The following KDM7A variants were observed in gnomAD, a reference collection of about 807,000 sequenced individuals.
KDM7A encodes lysine demethylase 7A.
Under a neutral mutation model 114.8 loss-of-function variants are expected in KDM7A, and 28 were observed. The ratio of observed to expected loss-of-function variants is 0.24; its 90% CI spans 0.18 to 0.33. KDM7A has a LOEUF of 0.33. Among genes scored for constraint, KDM7A ranks in the 10% least tolerant of loss-of-function variants. KDM7A has a pLI of 1.00. For missense variants in KDM7A, 942 were observed against 1,142.5 expected, an observed-to-expected ratio of 0.82 and a Z score of 2.53; for synonymous variants, 423 against 397.8, an observed-to-expected ratio of 1.06 and a Z score of -0.75.
chr7:140,152,544 ATCCCG>A (rs1562958700), intron 1 of KDM7A, among the ~76,000 whole-genome samples: 1 of 99,278 alleles, frequency 1.0e-5, no homozygotes, highest in Non-Finnish European at 1.9e-5. Flanking sequence ...GAATCACTTG[ATCCCG>A]GGAGGCGGAG....
At chr7:140,098,034 C>A (rs933702387) in intron 14 of KDM7A, among the ~76,000 whole-genome samples, 2 of 152,176 alleles carry the variant, frequency 1.3e-5, no homozygotes, top group Admixed American at 6.5e-5. Flanking sequence ...AAACGTAAAA[C>A]GCATTCACGT....
intron 17 of KDM7A, among the ~76,000 whole-genome samples, 188 bp downstream of exon 17, chr7:140,096,367 T>A (rs1585137095): frequency 1.3e-5 from 2 of 152,198 alleles, no homozygotes; most frequent in Non-Finnish European, 2.9e-5. Context: ...CCAGGTAATT[T>A]ACATTTTGAG....
At position 140,084,986 on chromosome 7, in the gene KDM7A, C is replaced by A. The variant is rs542732076; in HGVS notation, c.*6108G>T. 6.6e-6 allele frequency: 1 copy of A among 152,254 alleles called. No individual in the cohort carries two copies. The highest frequency in any genetic ancestry group is 1.9e-4 in the East Asian group (1 of 5,186). The allele number at this position is 152,254 out of a possible 1,614,324, so 9.4% of individuals were successfully genotyped here. ...TCAATGTAAGCTACTTAAAGACTTA[C>A]AAATTTAAAGTAAAACAGAAACAAA... is the stretch of plus-strand genomic sequence containing the variant. On this transcript the variant is annotated 3_prime_UTR_variant, in exon 20 of 20. Transcript: ENST00000397560.
At chr7:140,120,669 C>A in intron 7 of KDM7A, 140 bp from the exon 8 acceptor site, 3 of 557,474 alleles carry the variant, frequency 5.4e-6, no homozygotes, top group Admixed American at 6.0e-5. Flanking sequence ...ATGTTTATTA[C>A]AATCTATAGA....
Position 140,088,676 on chromosome 7 carries a change from A to G in KDM7A, c.*2418T>C. On this transcript the variant is annotated 3_prime_UTR_variant, in exon 20 of 20. Transcript: ENST00000397560. ...GAAAAAGACACATGGATTCTATTCAAGTGGTTCTATTACCTCGCTGAAAGT... is the reference window on the plus strand; with the variant it reads ...GAAAAAGACACATGGATTCTATTCAGGTGGTTCTATTACCTCGCTGAAAGT... The G allele has an allele frequency of 2.5e-6, 1 of 392,914 alleles. No homozygotes were observed. The highest frequency in any genetic ancestry group is 4.5e-6 in the Non-Finnish European group (1 of 222,638). The allele number at this position is 392,914 out of a possible 1,614,324, so 24.3% of individuals were successfully genotyped here. A position where few individuals can be genotyped will look rare whatever the true frequency, so the allele number is the denominator to read the frequency against.
At position 140,154,066 on chromosome 7, in the gene KDM7A, A is replaced by T. The variant is rs149665064; in HGVS notation, c.195-14876T>A. Among the ~76,000 whole-genome samples the T allele has an allele frequency of 1.3e-3, 199 of 152,318 alleles. 1 individual carries two copies. The highest frequency in any genetic ancestry group is 4.5e-3 in the African/African-American group (185 of 41,570). ...CTTATGCATTCATAGGTAACACACC[A>T]TGGTGACTGAAATTTGAATCCTGGG... On this transcript the variant is annotated intron_variant, in intron 1 of 19. Coordinates refer to ENST00000397560, the MANE Select transcript of KDM7A (RefSeq NM_030647.2).
At chr7:140,105,326 T>C (rs1053162151) in intron 11 of KDM7A, among the ~76,000 whole-genome samples, 4 of 152,222 alleles carry the variant, frequency 2.6e-5, no homozygotes, top group Admixed American at 6.5e-5. Flanking sequence ...CAACACTATG[T>C]TGAATAGGAG....
chr7:140,129,669 A>C lies in KDM7A; in HGVS notation c.399-16T>G. ...TTCATCGGCACTAAGGAAAAACATA[A>C]GAATAAAAATGTCATTTTTATTGGT... is the stretch of plus-strand genomic sequence containing the variant. On this transcript the variant is annotated splice_polypyrimidine_tract_variant and intron_variant, in intron 3 of 19. Coordinates refer to ENST00000397560, the MANE Select transcript of KDM7A (RefSeq NM_030647.2). The C allele has an allele frequency of 1.3e-6, 2 of 1,570,906 alleles. No homozygotes were observed. Among genetic ancestry groups the C allele is most frequent in the East Asian group, 2.2e-5 (1 of 44,636 alleles).
chr7:140,118,103 A>G (rs1468420951), intron 9 of KDM7A, among the ~76,000 whole-genome samples: 1 of 152,246 alleles, frequency 6.6e-6, no homozygotes, highest in Non-Finnish European at 1.5e-5. Flanking sequence ...AAATGTTCAC[A>G]ATAAACTTTA....
chr7:140,106,683 C>T (rs1367715626), intron 11 of KDM7A, among the ~76,000 whole-genome samples: 11 of 152,104 alleles, frequency 7.2e-5, no homozygotes, highest in East Asian at 1.9e-4. Context: ...CTTTTACATT[C>T]GCTGAGGAGT....
At chr7:140,150,312 G>C (rs142067371) in intron 1 of KDM7A, among the ~76,000 whole-genome samples, 163 of 152,288 alleles carry the variant, frequency 1.1e-3, no homozygotes, top group African/African-American at 3.4e-3. Flanking sequence ...TGTTTACTGA[G>C]TCCAGTTCCT....
chr7:140,154,889 G>T (rs929209037), intron 1 of KDM7A, among the ~76,000 whole-genome samples: 1 of 151,942 alleles, frequency 6.6e-6, no homozygotes, highest in Non-Finnish European at 1.5e-5. Context: ...ACAACTTTAT[G>T]ATTTAAATTT....
chr7:140,171,163 G>A (rs1026234195), intron 1 of KDM7A, among the ~76,000 whole-genome samples: 2 of 152,004 alleles, frequency 1.3e-5, no homozygotes, highest in African/African-American at 4.8e-5. Flanking sequence ...CACCACCCAA[G>A]ATCAAGATAA....
intron 7 of KDM7A, among the ~76,000 whole-genome samples, chr7:140,123,679 T>A (rs1466431674): frequency 6.6e-6 from 1 of 152,190 alleles, no homozygotes; most frequent in Non-Finnish European, 1.5e-5. Context: ...CATTTCAGAT[T>A]TTGGACTTTT....
intron 1 of KDM7A, among the ~76,000 whole-genome samples, chr7:140,151,869 G>C (rs1794404172): frequency 1.3e-5 from 2 of 152,290 alleles, no homozygotes; most frequent in Non-Finnish European, 1.5e-5. Context: ...AAGTACAGAA[G>C]GGAAAGCTAT....
At chr7:140,112,904 A>T (rs73469855) in intron 10 of KDM7A, among the ~76,000 whole-genome samples, 30,205 of 152,202 alleles carry the variant, frequency 0.2, 3,719 homozygotes, top group East Asian at 0.31. Flanking sequence ...CAACTAGCTC[A>T]TATTTTCATG....
rs1250463848 is a variant in KDM7A, at chr7:140,127,564, A to G, written c.579T>C (p.Asp193=). 3.1e-6 allele frequency: 5 copies of G among 1,614,006 alleles called. No homozygotes were observed. Among genetic ancestry groups the G allele is most frequent in the Non-Finnish European group, 3.4e-6 (4 of 1,179,940 alleles). ...CTGCCTGCCTCGCCACATCAATGAC[A>G]TCTATCACTTTGTCACCACCTGCAG... ...ERYVGGDKVI[D]VIDVARQADS... The change falls in exon 5 of 20, where the codon GAT becomes GAC. Residue 193 remains aspartate, a synonymous_variant. Coordinates refer to ENST00000397560, the MANE Select transcript of KDM7A (RefSeq NM_030647.2).
At chr7:140,174,842 C>T (rs1794684261) in intron 1 of KDM7A, among the ~76,000 whole-genome samples, 1 of 152,176 alleles carries the variant, frequency 6.6e-6, no homozygotes, top group African/African-American at 2.4e-5. Flanking sequence ...GTCTCGATCT[C>T]TTTACCTCGT....
rs6954268 is a variant in KDM7A at position 140,171,375 on chromosome 7, A to C, written c.194+5369T>G. On this transcript the variant is annotated intron_variant, in intron 1 of 19. Transcript: ENST00000397560. ...TCCCAGCTACTCAGGAGGCTGAGGC[A>C]GGAGAATCATTTGAACCTGGGAGAC... Among the ~76,000 whole-genome samples, 642 of 151,306 alleles carry C rather than the reference A, an allele frequency of 4.2e-3. 9 individuals are homozygous for C. The highest frequency in any genetic ancestry group is 0.014 in the African/African-American group (585 of 41,298).
Sources: allele counts gnomAD v4.1 joint callset (sites outside exome capture counted in the v4.1 genomes callset), GRCh38; gene constraint gnomAD v4.1.1; transcripts MANE v1.5; gene names NCBI Gene and HGNC (gene_info 2026-07-23, HGNC 2026-07-21).